MROH1: variants seen among roughly 807,000 people sequenced by gnomAD.
The protein encoded by MROH1 is maestro heat-like repeat-containing protein family member 1.
A neutral mutation model predicts 116.5 loss-of-function variants in MROH1; 117 were observed. That is an observed-to-expected ratio of 1.00 (90% CI 0.86 to 1.17). The LOEUF (loss-of-function observed/expected upper bound fraction) is 1.17, where lower values mean the gene tolerates loss of function less well. MROH1 is among the 50% of genes most tolerant of loss of function. The pLI, the probability that MROH1 is intolerant of heterozygous loss-of-function variation, is 0.00. For synonymous variants in MROH1, 921 were observed against 583.9 expected, an observed-to-expected ratio of 1.58 and a Z score of -8.32; for missense variants, 1,873 against 1,338.5, an observed-to-expected ratio of 1.40 and a Z score of -6.23.
chr8:144,183,677 C>T (rs973029273), intron 7 of MROH1, among the ~76,000 whole-genome samples: 9 of 151,272 alleles, frequency 5.9e-5, no homozygotes, highest in Non-Finnish European at 1.3e-4. Context: ...GATGGAGTCT[C>T]GCTCTGTTGC....
At chr8:144,244,617 A>T in intron 28 of MROH1, 78 bp downstream of exon 28, 1 of 713,006 alleles carries the variant, frequency 1.4e-6, no homozygotes, top group East Asian at 2.7e-5. Flanking sequence ...CCCTCTCTCC[A>T]CATGTGGGCA....
In MROH1 at chr8:144,179,535, C is replaced by A. The variant is rs960882708; in HGVS notation, c.249C>A (p.Asp83Glu). The A allele has an allele frequency of 6.8e-6, 11 of 1,613,306 alleles. No individual in the cohort carries two copies. The African/African-American group carries it at 1.5e-4, about 22-fold the overall frequency. Residue 83 changes from aspartate (D) to glutamate (E), a missense_variant, in exon 5 of 44, where the codon GAC becomes GAA. Physicochemically the swap from Asp to Glu is conservative, Grantham distance 45 (BLOSUM62 2). Transcript: ENST00000326134. Reference protein sequence around the residue: ...LSSRASELDKDTASTIILLAS... With the variant: ...LSSRASELDKETASTIILLAS... The stretch of plus-strand genomic sequence containing the variant: ...GTCGCGCCAGTGAGCTGGACAAGGA[C>A]ACAGCCAGCACCATCATCCTCCTGG...
chr8:144,180,663 G>A lies in MROH1; in HGVS notation c.562+140G>A. On this transcript the variant is annotated intron_variant, in intron 7 of 43. Transcript: ENST00000326134. The surrounding 1 kb of genome is among the most constrained non-coding windows in gnomAD (Gnocchi z 7.4). ...TGTTGGAGGGAGGGGCCCCCTGGCT[G>A]AGGCTGCTGGCTGGTTGGGGGGCCC... The A allele has an allele frequency of 7.9e-6, 6 of 759,480 alleles. No individual in the cohort carries two copies. Among genetic ancestry groups the A allele is most frequent in the Non-Finnish European group, 1.3e-5 (6 of 477,640 alleles). 47.0% of individuals were successfully genotyped at this position (759,480 alleles called of 1,614,324 possible).
At chr8:144,156,422 A>G (rs1332026719) in intron 1 of MROH1, among the ~76,000 whole-genome samples, 3 of 150,646 alleles carry the variant, frequency 2.0e-5, no homozygotes, top group Non-Finnish European at 4.4e-5. Flanking sequence ...AAATATTAAA[A>G]CCAGCTGGGC....
chr8:144,192,712 G>A (rs565615892), intron 10 of MROH1: 5 of 523,430 alleles, frequency 9.6e-6, no homozygotes, highest in Non-Finnish European at 1.8e-5. Context: ...AGTGCCAGCT[G>A]GGGGAGACTG....
chr8:144,239,209 A>G (rs1442867838), intron 16 of MROH1, 30 bp downstream of exon 16: 1 of 315,042 alleles, frequency 3.2e-6, no homozygotes, highest in African/African-American at 4.4e-5. Flanking sequence ...CCACCTCCCC[A>G]CTCCTGCCCC....
At chr8:144,207,182 G>T (rs1833008592) in intron 12 of MROH1, among the ~76,000 whole-genome samples, 1 of 150,734 alleles carries the variant, frequency 6.6e-6, no homozygotes, top group African/African-American at 2.4e-5. Context: ...TTTTTGGGGG[G>T]TGGGGGGCCA....
intron 14 of MROH1, among the ~76,000 whole-genome samples, chr8:144,233,486 C>T (rs1839372994): frequency 1.3e-5 from 2 of 150,394 alleles, no homozygotes; most frequent in African/African-American, 4.9e-5. Context: ...TCCCGCAGCT[C>T]CTGCACCCCA....
intron 12 of MROH1, 62 bp downstream of exon 12, chr8:144,200,603 T>C: frequency 8.9e-7 from 1 of 1,118,814 alleles, no homozygotes; most frequent in South Asian, 1.3e-5. Context: ...GAGCAGGTCC[T>C]GGCAGATTGT....
chr8:144,242,898 C>A (rs1229618691), intron 24 of MROH1, among the ~76,000 whole-genome samples: 1 of 152,326 alleles, frequency 6.6e-6, no homozygotes, highest in South Asian at 2.1e-4. Flanking sequence ...CAGCCCCACC[C>A]GTCCCAGGAC....
intron 14 of MROH1, among the ~76,000 whole-genome samples, chr8:144,228,709 G>C (rs371613928): frequency 6.6e-6 from 1 of 152,148 alleles, no homozygotes; most frequent in Admixed American, 6.6e-5. Flanking sequence ...TGATCCACCC[G>C]CCTCGGCCTC....
chr8:144,196,045 C>G (rs1355262121), intron 10 of MROH1, among the ~76,000 whole-genome samples: 1 of 152,002 alleles, frequency 6.6e-6, no homozygotes, highest in African/African-American at 2.4e-5. Context: ...AATCCCAGCA[C>G]TTTGGGAGGC....
intron 10 of MROH1, among the ~76,000 whole-genome samples, chr8:144,195,860 G>T (rs982833117): frequency 2.0e-5 from 3 of 151,952 alleles, no homozygotes; most frequent in Non-Finnish European, 2.9e-5. Flanking sequence ...CACAAATCAT[G>T]CTACTTTGTC....
intron 4 of MROH1, among the ~76,000 whole-genome samples, chr8:144,177,088 C>T (rs1824181889): frequency 6.6e-6 from 1 of 152,226 alleles, no homozygotes; most frequent in South Asian, 2.1e-4. Context: ...GTGTTCCGTG[C>T]TGAGGCTTGT....
In MROH1 at chr8:144,180,978, G is replaced by A. The variant is rs1001299429; in HGVS notation, c.562+455G>A. On this transcript the variant is annotated intron_variant, in intron 7 of 43. Transcript: ENST00000326134. This position sits in a 1 kb window ranked among gnomAD's most constrained non-coding sequence, Gnocchi z 7.4. ...CTCTGTGTGCCTGGCAGGGGACTGC[G>A]GGCATGTCATGGGCCTGGACCTTGG... 6.6e-6 allele frequency among the ~76,000 whole-genome samples: 1 copy of A among 152,138 alleles called. No individual in the cohort carries two copies. Among genetic ancestry groups the A allele is most frequent in the Admixed American group, 6.5e-5 (1 of 15,282 alleles).
In MROH1 at chr8:144,247,297, C is replaced by T. The variant is rs1478378511; in HGVS notation, c.2872-4C>T. 5.2e-6 allele frequency: 4 copies of T among 769,478 alleles called. No homozygotes were observed. Among genetic ancestry groups the T allele is most frequent in the Non-Finnish European group, 9.6e-6 (4 of 416,742 alleles). 47.7% of individuals were successfully genotyped at this position (769,478 alleles called of 1,614,324 possible). On this transcript the variant is annotated splice_region_variant and splice_polypyrimidine_tract_variant and intron_variant, in intron 29 of 43. Transcript: ENST00000326134. Reference sequence around the variant, plus strand: ...TCTAATAGCCCAGGCATCTCCTCCTCCAGGCCCTGGTGCCCTTCCACAACC... The same window carrying T: ...TCTAATAGCCCAGGCATCTCCTCCTTCAGGCCCTGGTGCCCTTCCACAACC...
intron 1 of MROH1, among the ~76,000 whole-genome samples, chr8:144,151,276 C>G: frequency 7.4e-6 from 1 of 135,942 alleles, no homozygotes; most frequent in African/African-American, 3.3e-5. Context: ...AAAAAAAAAC[C>G]TCCAAGATGC....
chr8:144,218,692 C>CG (rs1835872555), intron 12 of MROH1, among the ~76,000 whole-genome samples: 1 of 67,372 alleles, frequency 1.5e-5, no homozygotes, highest in Non-Finnish European at 3.1e-5. Context: ...CCTCCCCTCT[C>CG]TCCTCCCCTC....
At chr8:144,171,186 A>T (rs143690108) in intron 4 of MROH1, among the ~76,000 whole-genome samples, 1 of 152,184 alleles carries the variant, frequency 6.6e-6, no homozygotes, top group Non-Finnish European at 1.5e-5. Flanking sequence ...TGCCAGTCGC[A>T]AGCCCCAGGT....
Sources: allele counts gnomAD v4.1 joint callset (sites outside exome capture counted in the v4.1 genomes callset), GRCh38; gene constraint gnomAD v4.1.1; non-coding constraint Gnocchi (gnomAD v3.1); transcripts MANE v1.5; gene names NCBI Gene and HGNC (gene_info 2026-07-23, HGNC 2026-07-21).